Variants in TLE1 observed in about 807,000 individuals in gnomAD.
TLE1 encodes TLE family member 1, transcriptional corepressor, also known as transducin-like enhancer protein 1.
TLE1 carries 21 observed loss-of-function variants against 89.8 expected under a neutral mutation model. The observed-to-expected ratio is 0.23, with a 90% CI of 0.17 to 0.34. TLE1 has a LOEUF of 0.34. Ranked by LOEUF, TLE1 falls within the 10% of genes least tolerant of loss-of-function variation. TLE1 has a pLI of 1.00. For synonymous variants in TLE1, 447 were observed against 407.6 expected (o/e 1.10, Z -1.16); for missense variants, 795 against 1,031.2 (o/e 0.77, Z 3.14).
intron 4 of TLE1, among the ~76,000 whole-genome samples, chr9:81,660,315 A>C (rs1369885332): frequency 6.6e-6 from 1 of 151,612 alleles, no homozygotes; most frequent in Non-Finnish European, 1.5e-5. Flanking sequence ...AACCATTACT[A>C]AACAGTGCTA....
chr9:81,615,960 A>C, intron 11 of TLE1, 22 bp downstream of exon 11: 1 of 1,612,694 alleles, frequency 6.2e-7, no homozygotes, highest in Non-Finnish European at 8.5e-7. Context: ...CAAACAGGCA[A>C]GTGTCAGTTT....
intron 8 of TLE1, among the ~76,000 whole-genome samples, chr9:81,632,411 G>C (rs1348407582): frequency 6.7e-6 from 1 of 149,494 alleles, no homozygotes; most frequent in Admixed American, 6.7e-5. Context: ...AAAAAACCCT[G>C]AACTTTTATC....
intron 14 of TLE1, among the ~76,000 whole-genome samples, chr9:81,595,860 G>C (rs999876977): frequency 6.6e-6 from 1 of 151,272 alleles, no homozygotes; most frequent in Non-Finnish European, 1.5e-5. Context: ...AAACAATTGA[G>C]TTGCACATGA....
At chr9:81,598,849 G>A (rs1281257725) in intron 14 of TLE1, among the ~76,000 whole-genome samples, 1 of 152,158 alleles carries the variant, frequency 6.6e-6, no homozygotes, top group Admixed American at 6.5e-5. Context: ...TGGATGCTGG[G>A]CCCTTCCCAA....
intron 8 of TLE1, among the ~76,000 whole-genome samples, chr9:81,631,399 G>A (rs1050773607): frequency 3.9e-5 from 6 of 152,130 alleles, no homozygotes; most frequent in African/African-American, 4.8e-5. Context: ...CACACCCCTG[G>A]CATTTCAGAG....
intron 4 of TLE1, among the ~76,000 whole-genome samples, chr9:81,684,658 A>G (rs572285720): frequency 6.6e-6 from 1 of 152,336 alleles, no homozygotes; most frequent in African/African-American, 2.4e-5. Flanking sequence ...AGGGTTTGAG[A>G]TGAAATAGCA....
At chr9:81,615,398 G>GC (rs1258648504) in intron 11 of TLE1, among the ~76,000 whole-genome samples, 2 of 151,402 alleles carry the variant, frequency 1.3e-5, no homozygotes, top group Non-Finnish European at 2.9e-5. Context: ...GAGCTGTGTG[G>GC]CAAGAACATA....
chr9:81,644,959 A>C (rs1411204911), intron 6 of TLE1, among the ~76,000 whole-genome samples: 1 of 143,200 alleles, frequency 7.0e-6, no homozygotes, highest in Non-Finnish European at 1.5e-5. Context: ...GCACCACTGC[A>C]CACTGCACTC....
intron 2 of TLE1, 138 bp downstream of exon 2, chr9:81,687,196 G>C (rs1284716976): frequency 3.1e-6 from 2 of 638,360 alleles, no homozygotes. Flanking sequence ...GGGGTAACTT[G>C]AATGACAGGT....
At chr9:81,632,617 C>CT (rs1826818245) in intron 8 of TLE1, among the ~76,000 whole-genome samples, 1 of 151,970 alleles carries the variant, frequency 6.6e-6, no homozygotes. Context: ...TTGAGACACA[C>CT]TTTAAGTACA....
At chr9:81,637,013 A>G (rs1176848499) in intron 6 of TLE1, among the ~76,000 whole-genome samples, 1 of 148,964 alleles carries the variant, frequency 6.7e-6, no homozygotes. Context: ...AAAAAAAAAA[A>G]AAAGAAAAAA....
At chr9:81,619,676 G>A (rs747820945) in intron 9 of TLE1, among the ~76,000 whole-genome samples, 2 of 152,196 alleles carry the variant, frequency 1.3e-5, no homozygotes, top group African/African-American at 2.4e-5. Context: ...TCCTGAAACA[G>A]ACACTCAGGG....
At position 81,613,476 on chromosome 9, in the gene TLE1, G is replaced by A; in HGVS notation, c.964C>T (p.Pro322Ser). 1 of 1,614,216 alleles carries A rather than the reference G, an allele frequency of 6.2e-7. No individual in the cohort carries two copies. Among genetic ancestry groups the A allele is most frequent in the Non-Finnish European group, 8.5e-7 (1 of 1,180,042 alleles). ...CCCGGCGTTGGCATGTCGCTCCGAG[G>A]CGTTGGTGTGCTGGATTTCAGAACA... Reference protein sequence around the residue: ...TPVLKSSTPTPRSDMPTPGTS... With the variant: ...TPVLKSSTPTSRSDMPTPGTS... The change falls in exon 12 of 20, where the codon CCT becomes TCT. Residue 322 changes from proline (P) to serine (S), a missense_variant. By Grantham distance (74) the Pro-to-Ser change is moderately conservative. Transcript: ENST00000376499.
intron 4 of TLE1, among the ~76,000 whole-genome samples, chr9:81,683,667 C>T (rs1004924265): frequency 6.6e-6 from 1 of 152,184 alleles, no homozygotes; most frequent in Non-Finnish European, 1.5e-5. Flanking sequence ...GGTCTGTCAG[C>T]ATTTCCAATA....
chr9:81,611,764 C>CCT lies in TLE1; in HGVS notation c.1254+3_1254+4dup, dbSNP rs2132061060. 6.6e-7 allele frequency: 1 copy of CCT among 1,515,340 alleles called. No homozygotes were observed. The highest frequency in any genetic ancestry group is 2.6e-5 in the East Asian group (1 of 37,956). The allele number at this position is 1,515,340 out of a possible 1,614,324, so 93.9% of individuals were successfully genotyped here. A position where few individuals can be genotyped will look rare whatever the true frequency, so the allele number is the denominator to read the frequency against. On this transcript the variant is annotated splice_donor_region_variant and intron_variant, in intron 13 of 19. Coordinates refer to ENST00000376499, the MANE Select transcript of TLE1 (RefSeq NM_005077.5). ...CCAACCACAGCCCACCCGACAGCGG[C>CCT]CTACCATGGGGGAGCGCCCGTAGGC...
chr9:81,669,552 G>C (rs1470141754), intron 4 of TLE1, among the ~76,000 whole-genome samples: 1 of 152,196 alleles, frequency 6.6e-6, no homozygotes, highest in Non-Finnish European at 1.5e-5. Flanking sequence ...CAGTGTAGGG[G>C]CATGTGCCAA....
intron 4 of TLE1, among the ~76,000 whole-genome samples, chr9:81,657,481 A>C (rs898256450): frequency 2.0e-5 from 3 of 152,228 alleles, no homozygotes; most frequent in Admixed American, 2.0e-4. Flanking sequence ...ATCTTTAACT[A>C]TGATAGCAAC....
intron 14 of TLE1, among the ~76,000 whole-genome samples, chr9:81,594,500 G>A (rs780627817): frequency 1.1e-4 from 17 of 151,562 alleles, no homozygotes; most frequent in African/African-American, 1.7e-4. Flanking sequence ...ATGAGATCGC[G>A]CCACTGCACT....
At chr9:81,596,259 G>A (rs960986484) in intron 14 of TLE1, among the ~76,000 whole-genome samples, 1 of 152,152 alleles carries the variant, frequency 6.6e-6, no homozygotes, top group African/African-American at 2.4e-5. Context: ...AATGCAGCGA[G>A]CTGCTGTCAG....
Sources: allele counts gnomAD v4.1 joint callset (sites outside exome capture counted in the v4.1 genomes callset), GRCh38; gene constraint gnomAD v4.1.1; transcripts MANE v1.5; gene names NCBI Gene and HGNC (gene_info 2026-07-23, HGNC 2026-07-21).